The following GADL1 variants were observed in gnomAD, a reference collection of about 807,000 sequenced individuals.
GADL1 encodes the protein acidic amino acid decarboxylase GADL1.
A neutral mutation model predicts 69.5 loss-of-function variants in GADL1; 71 were observed. That is an observed-to-expected ratio of 1.02 (90% CI 0.84 to 1.25). The LOEUF (loss-of-function observed/expected upper bound fraction) is 1.25. GADL1 is among the 50% of genes most tolerant of loss of function. The probability of loss-of-function intolerance (pLI) is 0.00; values close to 1 mark genes in which losing one functional copy is unlikely to be tolerated. For missense variants in GADL1, 737 were observed against 631.8 expected, an observed-to-expected ratio of 1.17 and a Z score of -1.79; for synonymous variants, 254 against 214.4, an observed-to-expected ratio of 1.18 and a Z score of -1.62.
intron 14 of GADL1, among the ~76,000 whole-genome samples, chr3:30,771,983 C>T (rs1444549892): frequency 2.0e-5 from 3 of 152,176 alleles, no homozygotes; most frequent in Non-Finnish European, 4.4e-5. Context: ...CCCTAAAATC[C>T]AAAGCAGCAG....
In GADL1 at chr3:30,731,108, C is replaced by A. The variant is rs910086119; in HGVS notation, c.1393-2693G>T. Among the ~76,000 whole-genome samples the A allele has an allele frequency of 5.3e-5, 8 of 152,168 alleles. No homozygotes were observed. In the East Asian group the frequency reaches 1.5e-3, roughly 29 times the overall value. On this transcript the variant is annotated intron_variant, in intron 14 of 14. Coordinates refer to ENST00000282538, the MANE Select transcript of GADL1 (RefSeq NM_207359.3). The stretch of plus-strand genomic sequence containing the variant: ...CAGTGCTGAATCAAGATTGGGAAGA[C>A]CTGGTTTACATGGACCAAATGTCTA...
intron 14 of GADL1, among the ~76,000 whole-genome samples, chr3:30,740,511 G>A (rs1341199456): frequency 6.6e-6 from 1 of 152,068 alleles, no homozygotes; most frequent in East Asian, 1.9e-4. Flanking sequence ...TTCAAGTCAA[G>A]TAATGATAGT....
chr3:30,734,287 G>C (rs17026459), intron 14 of GADL1, among the ~76,000 whole-genome samples: 1 of 151,992 alleles, frequency 6.6e-6, no homozygotes, highest in South Asian at 2.1e-4. Flanking sequence ...TCTGTTTCTG[G>C]TGATGAAAGA....
chr3:30,778,428 T>A (rs904935038), intron 13 of GADL1, among the ~76,000 whole-genome samples, 160 bp from the exon 14 acceptor site: 17 of 152,200 alleles, frequency 1.1e-4, no homozygotes, highest in African/African-American at 3.4e-4. Flanking sequence ...GCCTTCTTGA[T>A]AACATCCTAT....
chr3:30,893,997 T>C (rs1698818905), intron 1 of GADL1, among the ~76,000 whole-genome samples: 1 of 152,214 alleles, frequency 6.6e-6, no homozygotes, highest in Non-Finnish European at 1.5e-5. Flanking sequence ...GCAACTATTA[T>C]TTTACAGAAA....
At chr3:30,779,441 T>C (rs1052127742) in intron 13 of GADL1, among the ~76,000 whole-genome samples, 4 of 152,218 alleles carry the variant, frequency 2.6e-5, no homozygotes, top group Admixed American at 6.5e-5. Context: ...TCATCTCATA[T>C]CTTAATAAAA....
chr3:30,791,744 G>A (rs757841103), intron 12 of GADL1, among the ~76,000 whole-genome samples: 1 of 152,086 alleles, frequency 6.6e-6, no homozygotes, highest in Non-Finnish European at 1.5e-5. Flanking sequence ...ACGTCATCTT[G>A]AATTGTAGCT....
chr3:30,764,398 TAAGAA>T (rs1450769801), intron 14 of GADL1, among the ~76,000 whole-genome samples: 2 of 152,148 alleles, frequency 1.3e-5, no homozygotes, highest in African/African-American at 2.4e-5. Flanking sequence ...ATGTAACTCA[TAAGAA>T]AAGCGAAACT....
Position 30,816,530 on chromosome 3 carries a change from C to CTTTTTT in GADL1, c.1051-15448_1051-15443dup, listed in dbSNP as rs773530741. Among the ~76,000 whole-genome samples the CTTTTTT allele has an allele frequency of 9.1e-4, 49 of 53,988 alleles. 15 individuals carry two copies. Among genetic ancestry groups the CTTTTTT allele is most frequent in the Non-Finnish European group, 1.6e-3 (41 of 25,434 alleles). 35.4% of individuals were successfully genotyped at this position (53,988 alleles called of 152,430 possible). On this transcript the variant is annotated intron_variant, in intron 11 of 14. Coordinates refer to ENST00000282538, the MANE Select transcript of GADL1 (RefSeq NM_207359.3). Reference sequence around the variant, plus strand: ...AGACCATATATTCTTAATTTGTTTTCTTTTTTTTTTTTTTTTTTTTTTTTT... The same window carrying CTTTTTT: ...AGACCATATATTCTTAATTTGTTTTCTTTTTTTTTTTTTTTTTTTTTTTTTTTTTTT...
intron 2 of GADL1, among the ~76,000 whole-genome samples, chr3:30,859,264 G>T (rs1698278646): frequency 6.6e-6 from 1 of 151,912 alleles, no homozygotes; most frequent in Non-Finnish European, 1.5e-5. Context: ...ACCAAGTTGT[G>T]CAAGTAGTAT....
At chr3:30,781,503 G>T (rs1696664593) in intron 13 of GADL1, among the ~76,000 whole-genome samples, 1 of 152,190 alleles carries the variant, frequency 6.6e-6, no homozygotes, top group African/African-American at 2.4e-5. Context: ...AAACAATCAT[G>T]CAAATATAGA....
intron 14 of GADL1, among the ~76,000 whole-genome samples, chr3:30,765,389 G>A (rs1182006315): frequency 2.0e-5 from 3 of 152,216 alleles, no homozygotes; most frequent in African/African-American, 4.8e-5. Flanking sequence ...AAACCATGAT[G>A]TCTTCAGGAA....
At chr3:30,797,667 TTTG>T (rs796625945) in intron 12 of GADL1, 2 of 112,814 alleles carry the variant, frequency 1.8e-5, no homozygotes, top group Non-Finnish European at 4.1e-5. Context: ...TTGTTTTGTT[TTTG>T]TTTTTTTTTT....
At chr3:30,766,414 T>C (rs1696278565) in intron 14 of GADL1, among the ~76,000 whole-genome samples, 1 of 152,176 alleles carries the variant, frequency 6.6e-6, no homozygotes, top group South Asian at 2.1e-4. Flanking sequence ...AAATTTTTAG[T>C]AGTTTCTGGA....
At chr3:30,771,164 C>G (rs751361792) in intron 14 of GADL1, among the ~76,000 whole-genome samples, 1 of 152,212 alleles carries the variant, frequency 6.6e-6, no homozygotes, top group South Asian at 2.1e-4. Flanking sequence ...AGCATAAAAG[C>G]GAGAAAAGCA....
intron 11 of GADL1, among the ~76,000 whole-genome samples, chr3:30,808,784 T>C (rs1016014781): frequency 2.0e-5 from 3 of 152,218 alleles, no homozygotes; most frequent in Non-Finnish European, 4.4e-5. Flanking sequence ...TTCTCTTTTT[T>C]CTTCCCTCAC....
chr3:30,829,721 A>T (rs1198291127), intron 11 of GADL1, among the ~76,000 whole-genome samples: 1 of 151,894 alleles, frequency 6.6e-6, no homozygotes, highest in Non-Finnish European at 1.5e-5. Flanking sequence ...TTTTAAATAG[A>T]TATTAGTGGG....
At chr3:30,788,260 G>T (rs1184292652) in intron 12 of GADL1, among the ~76,000 whole-genome samples, 1 of 152,156 alleles carries the variant, frequency 6.6e-6, no homozygotes. Context: ...TCCCTCGGGG[G>T]TATTGTAGGT....
At chr3:30,856,971 A>G (rs1698238440) in intron 3 of GADL1, 44 bp downstream of exon 3, 1 of 1,503,686 alleles carries the variant, frequency 6.7e-7, no homozygotes, top group Non-Finnish European at 9.0e-7. Context: ...AAACATAAGA[A>G]CTTGTCAGAG....
Sources: allele counts gnomAD v4.1 joint callset (sites outside exome capture counted in the v4.1 genomes callset), GRCh38; gene constraint gnomAD v4.1.1; transcripts MANE v1.5; gene names NCBI Gene and HGNC (gene_info 2026-07-23, HGNC 2026-07-21).